TRPM5: variants seen among roughly 807,000 people sequenced by gnomAD.
TRPM5 encodes the protein transient receptor potential cation channel subfamily M member 5, also known as MLSN1 and TRP-related.
A neutral mutation model predicts 124.9 loss-of-function variants in TRPM5; 121 were observed. The observed-to-expected ratio is 0.97, with a 90% CI of 0.84 to 1.13. The LOEUF (loss-of-function observed/expected upper bound fraction) is 1.13. Ranked by LOEUF, TRPM5 falls within the 50% of genes most tolerant of loss-of-function variation. The pLI is 0.00. For missense variants in TRPM5, 1,643 were observed against 1,589.1 expected, an observed-to-expected ratio of 1.03 and a Z score of -0.58; for synonymous variants, 781 against 700.5, an observed-to-expected ratio of 1.11 and a Z score of -1.81.
At chr11:2,410,578 C>T (rs1177868259) in intron 18 of TRPM5, 1 of 405,932 alleles carries the variant, frequency 2.5e-6, no homozygotes, top group Non-Finnish European at 4.9e-6. Context: ...ATCCCAGGGG[C>T]CTGCACAGGT....
chr11:2,408,909 C>G (rs1850382685), intron 18 of TRPM5, among the ~76,000 whole-genome samples: 1 of 152,232 alleles, frequency 6.6e-6, no homozygotes, highest in South Asian at 2.1e-4. Context: ...GTGCCTGGCA[C>G]ACATGCTCAT....
the TRPM5 span, among the ~76,000 whole-genome samples, chr11:2,429,158 G>A: frequency 6.7e-6 from 1 of 150,306 alleles, no homozygotes; most frequent in Non-Finnish European, 1.5e-5. This position sits in a 1 kb window ranked among gnomAD's most constrained non-coding sequence, Gnocchi z 8.4. Flanking sequence ...GGTGATGATT[G>A]TGGTGATGGT....
chr11:2,415,319 C>T (rs1400977738), exon 9 of TRPM5: 2 of 1,584,548 alleles, frequency 1.3e-6, no homozygotes, highest in Middle Eastern at 3.3e-4. Flanking sequence ...GGTCGAAGAG[C>T]AGGCTCTTGC....
chr11:2,414,251 G>T, intron 11 of TRPM5, 45 bp from the exon 17 acceptor site: 1 of 1,577,986 alleles, frequency 6.3e-7, no homozygotes, highest in Admixed American at 1.8e-5. Context: ...GCCGATGCCC[G>T]GCCCGGCCCC....
chr11:2,406,593 G>C, intron 21 of TRPM5, 68 bp downstream of exon 26: 1 of 1,530,224 alleles, frequency 6.5e-7, no homozygotes, highest in Non-Finnish European at 8.8e-7. Context: ...TCTGTCACTG[G>C]CGCCAATGGC....
At chr11:2,422,053 G>A in intron 2 of TRPM5, 88 bp downstream of exon 7, 1 of 1,434,610 alleles carries the variant, frequency 7.0e-7, no homozygotes, top group South Asian at 1.4e-5. Context: ...TGGGGTGGGA[G>A]CACTGCCTGT....
chr11:2,441,039 G>A, the TRPM5 span, among the ~76,000 whole-genome samples: 3 of 152,242 alleles, frequency 2.0e-5, no homozygotes, highest in Non-Finnish European at 4.4e-5. This position sits in a 1 kb window ranked among gnomAD's most constrained non-coding sequence, Gnocchi z 7.2. Flanking sequence ...GAAGGTTGGT[G>A]TGAGGTAGAT....
exon 19 of TRPM5, chr11:2,407,877 G>C (rs2133500687): frequency 6.2e-7 from 1 of 1,613,926 alleles, no homozygotes; most frequent in East Asian, 2.2e-5. Context: ...GAGTCCTCCA[G>C]CAGCAGTGGG....
intron 4 of TRPM5, among the ~76,000 whole-genome samples, chr11:2,419,859 G>T (rs1350557643): frequency 6.6e-6 from 1 of 152,222 alleles, no homozygotes; most frequent in East Asian, 1.9e-4. Flanking sequence ...ACGCCTGGCG[G>T]CGGGAAGTAG....
chr11:2,422,520 G>C lies in TRPM5; in HGVS notation c.118-199C>G, dbSNP rs550199530. 3.9e-5 allele frequency among the ~76,000 whole-genome samples: 6 copies of C among 152,124 alleles called. No homozygotes were observed. The South Asian group carries it at 8.3e-4, about 21-fold the overall frequency. Reference sequence around the variant, plus strand: ...TGCTGGGCATTGGGGGCAGGTAGCAGGAGGAGAGTGGCCCCCAATATCCCT... The same window carrying C: ...TGCTGGGCATTGGGGGCAGGTAGCACGAGGAGAGTGGCCCCCAATATCCCT... On this transcript the variant is annotated intron_variant, in intron 1 of 23. Coordinates refer to ENST00000155858, the Ensembl canonical transcript of TRPM5.
At chr11:2,440,960 G>A in the TRPM5 span, among the ~76,000 whole-genome samples, 1 of 152,160 alleles carries the variant, frequency 6.6e-6, no homozygotes. The surrounding 1 kb of genome is among the most constrained non-coding windows in gnomAD (Gnocchi z 5.2). Context: ...TCCCACTGTG[G>A]GCCTCTGACC....
chr11:2,425,018 C>A (rs1845826559), upstream of TRPM5, among the ~76,000 whole-genome samples: 1 of 152,234 alleles, frequency 6.6e-6, no homozygotes, highest in Non-Finnish European at 1.5e-5. Context: ...AGAGCAGGAA[C>A]CAGCCCGCGG....
chr11:2,410,734 C>T (rs578255047), intron 18 of TRPM5: 31 of 454,108 alleles, frequency 6.8e-5, no homozygotes, highest in African/African-American at 4.6e-4. Context: ...CTACAGGGGT[C>T]GGCCTGGGGA....
At chr11:2,423,669 C>T (rs1845803627), upstream of TRPM5, among the ~76,000 whole-genome samples, 1 of 152,236 alleles carries the variant, frequency 6.6e-6, no homozygotes, top group South Asian at 2.1e-4. Context: ...GAGCTATTCC[C>T]GTGGCGCTCC....
upstream of TRPM5, among the ~76,000 whole-genome samples, chr11:2,425,649 G>A (rs991547112): frequency 1.3e-5 from 2 of 152,202 alleles, no homozygotes; most frequent in Admixed American, 6.5e-5. Flanking sequence ...CTGGGCGGGG[G>A]TCCTCAGGCT....
chr11:2,417,488 C>T lies in TRPM5; in HGVS notation c.1009+239G>A, dbSNP rs540362671. 2.7e-4 allele frequency among the ~76,000 whole-genome samples: 41 copies of T among 152,204 alleles called. 2 individuals are homozygous for T. The South Asian group carries it at 8.6e-3, about 32-fold the overall frequency. ...GAAAACCAAAACAAACAAAAAACAA[C>T]CCCCCCACCAAAAAAATACCACTGA... On this transcript the variant is annotated intron_variant, in intron 7 of 23. Transcript: ENST00000155858.
chr11:2,415,101 C>G lies in TRPM5; in HGVS notation c.1479+20G>C, dbSNP rs1186310003. 1 of 1,575,402 alleles carries G rather than the reference C, an allele frequency of 6.3e-7. No homozygotes were observed. Among genetic ancestry groups the G allele is most frequent in the Non-Finnish European group, 8.6e-7 (1 of 1,165,514 alleles). ...TGCGGCCCCAGCCTCGCCCTCCATC[C>G]CCACGGAGCCCCCGCTCACCGCCCT... On this transcript the variant is annotated intron_variant, in intron 9 of 23. Coordinates refer to ENST00000155858, the Ensembl canonical transcript of TRPM5.
the TRPM5 span, among the ~76,000 whole-genome samples, chr11:2,435,468 T>A: frequency 1.3e-5 from 2 of 150,940 alleles, no homozygotes; most frequent in Non-Finnish European, 3.0e-5. The surrounding 1 kb of genome is among the most constrained non-coding windows in gnomAD (Gnocchi z 4.1). Flanking sequence ...CCACCTGTCA[T>A]TCACCCATGC....
At chr11:2,407,956 C>A (rs1232797401) in intron 18 of TRPM5, 44 bp from the exon 24 acceptor site, 6 of 1,601,664 alleles carry the variant, frequency 3.7e-6, no homozygotes, top group Non-Finnish European at 5.1e-6. Flanking sequence ...GGGGCAGCCA[C>A]AAGGGCGGCC....
Sources: gnomAD v4.1 joint callset for allele counts (sites outside exome capture counted in the v4.1 genomes callset) on GRCh38, gnomAD v4.1.1 for gene constraint, Gnocchi (gnomAD v3.1) non-coding constraint, MANE v1.5 for transcripts, NCBI Gene and HGNC (gene_info 2026-07-23, HGNC 2026-07-21) for gene names.